Variants in CTNNA3 observed in about 807,000 individuals in gnomAD.
The protein encoded by CTNNA3 is catenin alpha-3.
Under a neutral mutation model 95.7 loss-of-function variants are expected in CTNNA3, and 76 were observed. That is an observed-to-expected ratio of 0.79 (90% CI 0.66 to 0.96). The LOEUF (loss-of-function observed/expected upper bound fraction) is 0.96, where lower values mean the gene tolerates loss of function less well. CTNNA3 is among the 40% of genes least tolerant of loss of function. The pLI, the probability that CTNNA3 is intolerant of heterozygous loss-of-function variation, is 0.00. For synonymous variants in CTNNA3, 431 were observed against 374.4 expected, an observed-to-expected ratio of 1.15 and a Z score of -1.74; for missense variants, 1,191 against 1,089.8, an observed-to-expected ratio of 1.09 and a Z score of -1.31.
chr10:67,512,949 A>G (rs1363239930), intron 5 of CTNNA3, among the ~76,000 whole-genome samples: 1 of 152,134 alleles, frequency 6.6e-6, no homozygotes, highest in African/African-American at 2.4e-5. Context: ...CGCGTCACTG[A>G]CTCCAGCCTG....
intron 1 of CTNNA3, among the ~76,000 whole-genome samples, chr10:67,673,066 G>T (rs1840469296): frequency 1.3e-5 from 2 of 151,692 alleles, no homozygotes; most frequent in South Asian, 4.2e-4. Flanking sequence ...TCCTTGAAGA[G>T]GTCCTTCACA....
At chr10:67,524,323 G>A (rs1457637308) in intron 4 of CTNNA3, among the ~76,000 whole-genome samples, 1 of 150,490 alleles carries the variant, frequency 6.6e-6, no homozygotes, top group Admixed American at 6.6e-5. Flanking sequence ...GCGTGAACCC[G>A]GCAGGCGGAG....
At chr10:66,668,286 T>A (rs1004358647) in intron 9 of CTNNA3, among the ~76,000 whole-genome samples, 2 of 152,124 alleles carry the variant, frequency 1.3e-5, no homozygotes, top group African/African-American at 4.8e-5. Flanking sequence ...AAGGGAAATA[T>A]GTCTGCAAAA....
chr10:66,669,253 T>A (rs1436948184), intron 9 of CTNNA3, among the ~76,000 whole-genome samples: 1 of 151,984 alleles, frequency 6.6e-6, no homozygotes, highest in Admixed American at 6.6e-5. Context: ...TTAAAAGAAA[T>A]CTAAAGTTGC....
intron 13 of CTNNA3, among the ~76,000 whole-genome samples, chr10:66,149,868 AG>A (rs1428162694): frequency 2.0e-5 from 3 of 152,262 alleles, no homozygotes; most frequent in Admixed American, 6.6e-5. Context: ...AAACCATAAA[AG>A]TATCAGGCCC....
intron 17 of CTNNA3, among the ~76,000 whole-genome samples, chr10:65,924,699 C>A (rs116215314): frequency 6.6e-6 from 1 of 152,136 alleles, no homozygotes; most frequent in African/African-American, 2.4e-5. Context: ...TTTAGAGAAT[C>A]CCCTTGTATT....
Position 66,775,442 on chromosome 10 carries a change from A to T in CTNNA3, c.1128+2T>A, listed in dbSNP as rs1564675010. 1.2e-5 allele frequency: 20 copies of T among 1,601,748 alleles called. No homozygotes were observed. The highest frequency in any genetic ancestry group is 1.7e-5 in the Non-Finnish European group (20 of 1,170,954). ...TGACTCCATATCTCTCTCTTCCCTC[A>T]CCTGTCTGCGAAGGTCTCTTGTCTT... On this transcript the variant is annotated splice_donor_variant, in intron 8 of 17. Coordinates refer to ENST00000433211, the MANE Select transcript of CTNNA3 (RefSeq NM_013266.4). LOFTEE classifies it high-confidence loss of function.
chr10:65,994,336 A>C (rs962108366), intron 15 of CTNNA3, among the ~76,000 whole-genome samples: 1 of 152,118 alleles, frequency 6.6e-6, no homozygotes, highest in Non-Finnish European at 1.5e-5. Context: ...AAAGTAATAA[A>C]TTTCCTCAGT....
chr10:66,931,066 T>C (rs1847359089), intron 7 of CTNNA3, among the ~76,000 whole-genome samples: 2 of 152,102 alleles, frequency 1.3e-5, no homozygotes, highest in Non-Finnish European at 2.9e-5. Context: ...CTTTCTGGAC[T>C]ACATATCATA....
rs1178023191 is a variant in CTNNA3, at chr10:67,479,794, C to G, written c.579+42048G>C. On this transcript the variant is annotated intron_variant, in intron 5 of 17. Coordinates refer to ENST00000433211, the MANE Select transcript of CTNNA3 (RefSeq NM_013266.4). ...AATACATACAAAGGATCAGTGAAACCAAAAGTTGGTTTTTTGCAAGGATAG... is the reference window on the plus strand; with the variant it reads ...AATACATACAAAGGATCAGTGAAACGAAAAGTTGGTTTTTTGCAAGGATAG... 3.3e-5 allele frequency among the ~76,000 whole-genome samples: 5 copies of G among 151,814 alleles called. No individual in the cohort carries two copies. In the East Asian group the frequency reaches 9.7e-4, roughly 29 times the overall value.
Position 66,297,135 on chromosome 10 carries a change from C to A in CTNNA3, c.1733-16514G>T, listed in dbSNP as rs527504193. Among the ~76,000 whole-genome samples, 11 of 152,084 alleles carry A rather than the reference C, an allele frequency of 7.2e-5. No homozygotes were observed. The South Asian group carries it at 2.3e-3, about 32-fold the overall frequency. On this transcript the variant is annotated intron_variant, in intron 12 of 17. Coordinates refer to ENST00000433211, the MANE Select transcript of CTNNA3 (RefSeq NM_013266.4). ...CTATGAGTTTATGTGTGAACTTACA[C>A]TAGAAAGAGAAGAATGGCAGTAGAT... is the stretch of plus-strand genomic sequence containing the variant.
chr10:67,031,422 T>A (rs1387105587), intron 7 of CTNNA3, among the ~76,000 whole-genome samples: 1 of 152,226 alleles, frequency 6.6e-6, no homozygotes, highest in Non-Finnish European at 1.5e-5. Flanking sequence ...CCCTTTCTAC[T>A]ATACATTGTG....
At chr10:66,999,408 A>C (rs978826173) in intron 7 of CTNNA3, among the ~76,000 whole-genome samples, 3 of 152,186 alleles carry the variant, frequency 2.0e-5, no homozygotes, top group African/African-American at 7.2e-5. Flanking sequence ...ATAGGTAAGC[A>C]TCTAATAATT....
chr10:67,724,018 T>C (rs1294447261), intron 1 of CTNNA3, among the ~76,000 whole-genome samples: 1 of 152,132 alleles, frequency 6.6e-6, no homozygotes, highest in African/African-American at 2.4e-5. Flanking sequence ...TAACGGACAT[T>C]CAACACAATT....
At chr10:67,348,501 C>T (rs561361082) in intron 5 of CTNNA3, among the ~76,000 whole-genome samples, 93 of 152,038 alleles carry the variant, frequency 6.1e-4, no homozygotes, top group Non-Finnish European at 1.1e-3. Context: ...GTACACAAAG[C>T]GTGGCACCAG....
chr10:67,154,488 G>C (rs1297548517), intron 7 of CTNNA3, among the ~76,000 whole-genome samples: 1 of 152,046 alleles, frequency 6.6e-6, no homozygotes, highest in Non-Finnish European at 1.5e-5. Context: ...CTTTGCCTTT[G>C]AATTACTAGC....
At chr10:66,779,570 C>T (rs145325779) in intron 7 of CTNNA3, among the ~76,000 whole-genome samples, 1 of 152,072 alleles carries the variant, frequency 6.6e-6, no homozygotes, top group Non-Finnish European at 1.5e-5. Context: ...ACCATGTCAG[C>T]CAGGCTGGTC....
At chr10:66,145,126 T>C (rs939715900) in intron 13 of CTNNA3, among the ~76,000 whole-genome samples, 1 of 152,132 alleles carries the variant, frequency 6.6e-6, no homozygotes, top group Non-Finnish European at 1.5e-5. Flanking sequence ...AAGGAGACCC[T>C]ACAAACTACT....
intron 7 of CTNNA3, among the ~76,000 whole-genome samples, chr10:66,908,686 A>G (rs1846097215): frequency 6.6e-6 from 1 of 152,066 alleles, no homozygotes; most frequent in Admixed American, 6.6e-5. Flanking sequence ...TTTTTTTTAA[A>G]AAAATTCATT....
Sources: allele counts gnomAD v4.1 joint callset (sites outside exome capture counted in the v4.1 genomes callset), GRCh38; gene constraint gnomAD v4.1.1; transcripts MANE v1.5; gene names NCBI Gene and HGNC (gene_info 2026-07-23, HGNC 2026-07-21).